The following PKDREJ variants were observed in gnomAD, a reference collection of about 807,000 sequenced individuals.
PKDREJ encodes the protein polycystin family receptor for egg jelly.
For synonymous variants in PKDREJ, 1,031 were observed against 1,095.5 expected (o/e 0.94, Z 1.16); for missense variants, 2,507 against 2,807.2 (o/e 0.89, Z 2.42).
At position 46,261,324 on chromosome 22, in the gene PKDREJ, C is replaced by T. The variant is rs764162960; in HGVS notation, c.1999G>A (p.Ala667Thr). The change falls in exon 1 of 1, where the codon GCA becomes ACA. Residue 667 changes from alanine (A) to threonine (T), a missense_variant. Ala to Thr is a moderately conservative substitution (Grantham distance 58, BLOSUM62 0). Transcript: ENST00000253255. This position sits in a 1 kb window ranked among gnomAD's most constrained non-coding sequence, Gnocchi z 7.1. ...GAATTTTTGTCAGTGGGAGCCTGTG[C>T]GGTGGCATGCAAAGTCACCTGAGAA... ...AFSQVTLHAT[A>T]QAPTDKNSSK... The T allele has an allele frequency of 1.2e-5, 19 of 1,613,752 alleles. No individual in the cohort carries two copies. The highest frequency in any genetic ancestry group is 1.1e-4 in the East Asian group (5 of 44,878).
Position 46,258,767 on chromosome 22 carries a change from G to T in PKDREJ, c.4556C>A (p.Pro1519His), listed in dbSNP as rs148258530. The T allele has an allele frequency of 7.6e-4, 1,225 of 1,614,152 alleles. 24 individuals are homozygous for T. In the East Asian group the frequency reaches 0.025, roughly 33 times the overall value. The change falls in exon 1 of 1, where the codon CCC (proline) becomes CAC (histidine). Residue 1519 changes from proline to histidine, a missense_variant. By Grantham distance (77) the Pro-to-His change is moderately conservative. Coordinates refer to ENST00000253255, the MANE Select transcript of PKDREJ (RefSeq NM_006071.2). The surrounding 1 kb of genome is among the most constrained non-coding windows in gnomAD (Gnocchi z 6.1). ...TTGTGCTTTCCTATGCCTGTGCTTG[G>T]GTTTGGAGGTTGCCTTAGGAGAAGC... ...PKASPKATSK[P>H]KHRHRKAQIK...
chr22:46,257,829 C>T lies in PKDREJ; in HGVS notation c.5494G>A (p.Glu1832Lys), dbSNP rs1243477912. 1.2e-6 allele frequency: 2 copies of T among 1,614,158 alleles called. No homozygotes were observed. Among genetic ancestry groups the T allele is most frequent in the Non-Finnish European group, 1.7e-6 (2 of 1,180,014 alleles). ...HCHPKYGIDP[E>K]DTKNYSGFWN... ...AAGCCAGAATAGTTTTTTGTGTCTT[C>T]TGGGTCAATGCCATATTTGGGGTGA... is the stretch of plus-strand genomic sequence containing the variant. Residue 1832 changes from glutamate (E) to lysine (K), a missense_variant, in exon 1 of 1, where the codon GAA becomes AAA. By Grantham distance (56) the Glu-to-Lys change is moderately conservative. Coordinates refer to ENST00000253255, the MANE Select transcript of PKDREJ (RefSeq NM_006071.2). This position sits in a 1 kb window ranked among gnomAD's most constrained non-coding sequence, Gnocchi z 4.7.
chr22:46,263,190 C>T lies in PKDREJ; in HGVS notation c.133G>A (p.Ala45Thr). ...CCGCCGCGCACCCCGAGGCCCGGGG[C>T]GCCCCTGAGGAGGCCACCGGGCGCC... ...SGAPGGLLRG[A>T]PGLGVRGGRA... Residue 45 changes from alanine (A) to threonine (T), a missense_variant, in exon 1 of 1, where the codon GCC becomes ACC. Transcript: ENST00000253255. This position sits in a 1 kb window ranked among gnomAD's most constrained non-coding sequence, Gnocchi z 9.4. 7.8e-7 allele frequency: 1 copy of T among 1,290,296 alleles called. No homozygotes were observed. The highest frequency in any genetic ancestry group is 9.8e-7 in the Non-Finnish European group (1 of 1,023,200). 79.9% of individuals were successfully genotyped at this position (1,290,296 alleles called of 1,614,324 possible).
In PKDREJ at chr22:46,259,358, C is replaced by G; in HGVS notation, c.3965G>C (p.Arg1322Thr). The G allele has an allele frequency of 1.2e-6, 2 of 1,614,176 alleles. No individual in the cohort carries two copies. Among genetic ancestry groups the G allele is most frequent in the African/African-American group, 2.7e-5 (2 of 75,036 alleles). ...SRIKVENLFS[R>T]HIWLFICQKW... ...CTGGCATATGAACAGCCAAATGTGC[C>G]TGCTAAACAGATTTTCCACTTTGAT... The change falls in exon 1 of 1, where the codon AGG (arginine) becomes ACG (threonine). Residue 1322 changes from arginine (R) to threonine (T), a missense_variant. Arg to Thr is a moderately conservative substitution (Grantham distance 71). Coordinates refer to ENST00000253255, the MANE Select transcript of PKDREJ (RefSeq NM_006071.2). The surrounding 1 kb of genome is among the most constrained non-coding windows in gnomAD (Gnocchi z 6.8).
Position 46,259,828 on chromosome 22 carries a change from C to T in PKDREJ, c.3495G>A (p.Val1165=). The T allele has an allele frequency of 1.2e-6, 2 of 1,613,716 alleles. No individual in the cohort carries two copies. The highest frequency in any genetic ancestry group is 1.3e-5 in the African/African-American group (1 of 75,022). Residue 1165 remains valine (V), a synonymous_variant, in exon 1 of 1, where the codon GTG becomes GTA. Transcript: ENST00000253255. The surrounding 1 kb of genome is among the most constrained non-coding windows in gnomAD (Gnocchi z 6.8). The part of the protein sequence containing the change: ...HTHYVMAKVI[V]IPNPVDLRLN... ...ACCGTAGATCCACAGGATTAGGGATCACAATCACCTTGGCCATCACATAGT... is the reference window on the plus strand; with the variant it reads ...ACCGTAGATCCACAGGATTAGGGATTACAATCACCTTGGCCATCACATAGT...
Position 46,262,385 on chromosome 22 carries a change from G to A in PKDREJ, c.938C>T (p.Thr313Ile), listed in dbSNP as rs539461996. ...YVFNFTVSIT[T>I]GNPKMPEVKD... is the part of the protein sequence containing the mutation. ...CACCTCGGGCATCTTGGGGTTCCCTGTGGTGATGGACACCGTGAAATTAAA... is the reference window on the plus strand; with the variant it reads ...CACCTCGGGCATCTTGGGGTTCCCTATGGTGATGGACACCGTGAAATTAAA... The change falls in exon 1 of 1, where the codon ACA becomes ATA. Residue 313 changes from threonine (T) to isoleucine (I), a missense_variant. Physicochemically the swap from Thr to Ile is moderately conservative, Grantham distance 89. Coordinates refer to ENST00000253255, the MANE Select transcript of PKDREJ (RefSeq NM_006071.2). This position sits in a 1 kb window ranked among gnomAD's most constrained non-coding sequence, Gnocchi z 8.1. The A allele has an allele frequency of 6.2e-7, 1 of 1,614,118 alleles. No homozygotes were observed. Among genetic ancestry groups the A allele is most frequent in the Admixed American group, 1.7e-5 (1 of 60,028 alleles).
chr22:46,259,471 T>A lies in PKDREJ; in HGVS notation c.3852A>T (p.Leu1284=). The stretch of plus-strand genomic sequence containing the variant: ...TGTCCCCCAAGTCACTTTTTGTCGT[T>A]AGGAGGAAAGTGTTGATGCTACCTC... The part of the protein sequence containing the change: ...LYRGSINTFL[L]TTKSDLGDIH... Residue 1284 remains leucine, a synonymous_variant, in exon 1 of 1, where the codon CTA becomes CTT. Transcript: ENST00000253255. This position sits in a 1 kb window ranked among gnomAD's most constrained non-coding sequence, Gnocchi z 6.8. 2.5e-6 allele frequency: 4 copies of A among 1,614,140 alleles called. No homozygotes were observed. The highest frequency in any genetic ancestry group is 3.4e-6 in the Non-Finnish European group (4 of 1,180,032).
At position 46,261,061 on chromosome 22, in the gene PKDREJ, C is replaced by T. The variant is rs1292053309; in HGVS notation, c.2262G>A (p.Gln754=). Residue 754 remains glutamine, a synonymous_variant, in exon 1 of 1, where the codon CAG becomes CAA. Transcript: ENST00000253255. This position sits in a 1 kb window ranked among gnomAD's most constrained non-coding sequence, Gnocchi z 7.1. ...LPVSTLVEIG[Q]VVMTITKLTQ... The stretch of plus-strand genomic sequence containing the variant: ...TTAATTTGGTAATAGTCATGACTAC[C>T]TGGCCAATTTCTACCAAAGTGCTTA... 7 of 1,614,154 alleles carry T rather than the reference C, an allele frequency of 4.3e-6. No homozygotes were observed. Among genetic ancestry groups the T allele is most frequent in the Non-Finnish European group, 5.9e-6 (7 of 1,180,032 alleles).
rs772195312 is a variant in PKDREJ, at chr22:46,261,997, C to T, written c.1326G>A (p.Ala442=). ...RMVIRKDSRT[A]FSDKRVHVLQ... is the part of the protein sequence containing the mutation. ...GCACGTGGACCCTCTTATCAGAAAA[C>T]GCTGTCCTAGAGTCCTTCCGAATCA... is the stretch of plus-strand genomic sequence containing the variant. The change falls in exon 1 of 1, where the codon GCG becomes GCA. Residue 442 remains alanine, a synonymous_variant. Transcript: ENST00000253255. The surrounding 1 kb of genome is among the most constrained non-coding windows in gnomAD (Gnocchi z 7.1). 1.2e-6 allele frequency: 2 copies of T among 1,613,958 alleles called. No individual in the cohort carries two copies. The highest frequency in any genetic ancestry group is 1.7e-5 in the Admixed American group (1 of 60,000).
At position 46,261,566 on chromosome 22, in the gene PKDREJ, TTAC is replaced by T. The variant is rs1936696831; in HGVS notation, c.1754_1756del (p.Ser585del). 1 of 1,614,110 alleles carries T rather than the reference TTAC, an allele frequency of 6.2e-7. No individual in the cohort carries two copies. Among genetic ancestry groups the T allele is most frequent in the African/African-American group, 1.3e-5 (1 of 75,038 alleles). Reference sequence around the variant, plus strand: ...AAGAGGGACGTGCTTATCCCTAAAATTACTACACTGGACAACAAATTTAGTAAT... The same window carrying T: ...AAGAGGGACGTGCTTATCCCTAAAATTACACTGGACAACAAATTTAGTAAT... On this transcript the variant is annotated inframe_deletion, in exon 1 of 1. Coordinates refer to ENST00000253255, the MANE Select transcript of PKDREJ (RefSeq NM_006071.2). The surrounding 1 kb of genome is among the most constrained non-coding windows in gnomAD (Gnocchi z 7.1).
chr22:46,260,171 T>C lies in PKDREJ; in HGVS notation c.3152A>G (p.Lys1051Arg). Reference sequence around the variant, plus strand: ...AGGGAGGCAGACTACACGGGCCTTCTTCACTGTGCAGGCTGGGTCAAACAG... The same window carrying C: ...AGGGAGGCAGACTACACGGGCCTTCCTCACTGTGCAGGCTGGGTCAAACAG... Reference protein sequence around the residue: ...SALFDPACTVKKARVVCLPVS... With the variant: ...SALFDPACTVRKARVVCLPVS... Residue 1051 changes from lysine (K) to arginine (R), a missense_variant, in exon 1 of 1, where the codon AAG becomes AGG. Lys to Arg is a conservative substitution (Grantham distance 26). Coordinates refer to ENST00000253255, the MANE Select transcript of PKDREJ (RefSeq NM_006071.2). This position sits in a 1 kb window ranked among gnomAD's most constrained non-coding sequence, Gnocchi z 4.5. The C allele has an allele frequency of 2.5e-6, 4 of 1,614,148 alleles. No homozygotes were observed. Among genetic ancestry groups the C allele is most frequent in the Non-Finnish European group, 3.4e-6 (4 of 1,180,036 alleles).
In PKDREJ at chr22:46,260,160, C is replaced by CA. The variant is rs1569271022; in HGVS notation, c.3162dup (p.Val1055CysfsTer38). The CA allele has an allele frequency of 6.2e-7, 1 of 1,614,100 alleles. No individual in the cohort carries two copies. Among genetic ancestry groups the CA allele is most frequent in the Admixed American group, 1.7e-5 (1 of 60,020 alleles). On this transcript the variant is annotated frameshift_variant, in exon 1 of 1. Coordinates refer to ENST00000253255, the MANE Select transcript of PKDREJ (RefSeq NM_006071.2). LOFTEE classifies it low-confidence loss of function (END_TRUNC). The surrounding 1 kb of genome is among the most constrained non-coding windows in gnomAD (Gnocchi z 4.5). ...AGCAGGGACACAGGGAGGCAGACTA[C>CA]ACGGGCCTTCTTCACTGTGCAGGCT...
Position 46,260,853 on chromosome 22 carries a change from G to A in PKDREJ, c.2470C>T (p.His824Tyr). Residue 824 changes from histidine to tyrosine, a missense_variant, in exon 1 of 1, where the codon CAC becomes TAC. Transcript: ENST00000253255. The surrounding 1 kb of genome is among the most constrained non-coding windows in gnomAD (Gnocchi z 4.5). ...TAGAAAGGATCTTTAACTACTTGGT[G>A]AGGAGAAGTCATTTTAAGAATATTA... ...LSNILKMTSP[H>Y]QVVKDPFYVI... 6.2e-7 allele frequency: 1 copy of A among 1,613,722 alleles called. No homozygotes were observed. The highest frequency in any genetic ancestry group is 2.2e-5 in the East Asian group (1 of 44,884).
chr22:46,259,525 T>G lies in PKDREJ; in HGVS notation c.3798A>C (p.Leu1266Phe). 2 of 1,614,140 alleles carry G rather than the reference T, an allele frequency of 1.2e-6. No homozygotes were observed. Among genetic ancestry groups the G allele is most frequent in the Non-Finnish European group, 1.7e-6 (2 of 1,180,004 alleles). The change falls in exon 1 of 1, where the codon TTA becomes TTC. Residue 1266 changes from leucine (L) to phenylalanine (F), a missense_variant. Leu to Phe is a conservative substitution (Grantham distance 22, BLOSUM62 0). Coordinates refer to ENST00000253255, the MANE Select transcript of PKDREJ (RefSeq NM_006071.2). This position sits in a 1 kb window ranked among gnomAD's most constrained non-coding sequence, Gnocchi z 6.8. ...GTVSTSDVHC[L>F]SHPHFTTLYR... is the part of the protein sequence containing the mutation. ...AGAGAGTTGTGAAATGTGGATGGCT[T>G]AAACAATGCACGTCGCTGGTACTCA...
rs771781501 is a variant in PKDREJ at position 46,257,581 on chromosome 22, C to T, written c.5742G>A (p.Val1914=). Residue 1914 remains valine, a synonymous_variant, in exon 1 of 1, where the codon GTG becomes GTA. Transcript: ENST00000253255. This position sits in a 1 kb window ranked among gnomAD's most constrained non-coding sequence, Gnocchi z 4.7. ...GATTAAAAGTTGTTAATTCCAAAAC[C>T]ACAGCCCATGTCTTCTCATCCAGCC... is the stretch of plus-strand genomic sequence containing the variant. ...SNWLDEKTWA[V]VLELTTFNPD... 1.9e-6 allele frequency: 3 copies of T among 1,614,098 alleles called. No homozygotes were observed. Among genetic ancestry groups the T allele is most frequent in the Non-Finnish European group, 2.5e-6 (3 of 1,180,012 alleles).
chr22:46,261,975 C>G lies in PKDREJ; in HGVS notation c.1348G>C (p.Val450Leu). ...RTAFSDKRVH[V>L]LQGPKAIAHI... ...GCTATGGCTTTTGGTCCTTGGAGCA[C>G]GTGGACCCTCTTATCAGAAAACGCT... Residue 450 changes from valine to leucine, a missense_variant, in exon 1 of 1, where the codon GTG becomes CTG. Coordinates refer to ENST00000253255, the MANE Select transcript of PKDREJ (RefSeq NM_006071.2). This position sits in a 1 kb window ranked among gnomAD's most constrained non-coding sequence, Gnocchi z 7.1. 6.2e-7 allele frequency: 1 copy of G among 1,614,146 alleles called. No individual in the cohort carries two copies. The highest frequency in any genetic ancestry group is 1.6e-4 in the Middle Eastern group (1 of 6,062).
chr22:46,260,043 G>T lies in PKDREJ; in HGVS notation c.3280C>A (p.Leu1094Ile). ...ACGCTGAAAATAGAAATTCTCACTA[G>T]CTTGTCATTGAGCTTCATGACAAAA... ...PRFVMKLNDK[L>I]VRISIFSVQC... The change falls in exon 1 of 1, where the codon CTA (leucine) becomes ATA (isoleucine). Residue 1094 changes from leucine to isoleucine, a missense_variant. Coordinates refer to ENST00000253255, the MANE Select transcript of PKDREJ (RefSeq NM_006071.2). This position sits in a 1 kb window ranked among gnomAD's most constrained non-coding sequence, Gnocchi z 4.5. The T allele has an allele frequency of 6.2e-7, 1 of 1,614,036 alleles. No individual in the cohort carries two copies. Among genetic ancestry groups the T allele is most frequent in the South Asian group, 1.1e-5 (1 of 91,082 alleles).
rs775104343 is a variant in PKDREJ at position 46,260,067 on chromosome 22, A to T, written c.3256T>A (p.Phe1086Ile). Reference sequence around the variant, plus strand: ...AGCTTGTCATTGAGCTTCATGACAAAACGAGGTGCCTGCAGAACTATGGAT... The same window carrying T: ...AGCTTGTCATTGAGCTTCATGACAATACGAGGTGCCTGCAGAACTATGGAT... Reference protein sequence around the residue: ...TVSIVLQAPRFVMKLNDKLVR... With the variant: ...TVSIVLQAPRIVMKLNDKLVR... Residue 1086 changes from phenylalanine to isoleucine, a missense_variant, in exon 1 of 1, where the codon TTT becomes ATT. Physicochemically the swap from Phe to Ile is conservative, Grantham distance 21 (BLOSUM62 0). Coordinates refer to ENST00000253255, the MANE Select transcript of PKDREJ (RefSeq NM_006071.2). This position sits in a 1 kb window ranked among gnomAD's most constrained non-coding sequence, Gnocchi z 4.5. 6.2e-7 allele frequency: 1 copy of T among 1,614,148 alleles called. No homozygotes were observed. Among genetic ancestry groups the T allele is most frequent in the Non-Finnish European group, 8.5e-7 (1 of 1,180,010 alleles).
chr22:46,259,214 T>G lies in PKDREJ; in HGVS notation c.4109A>C (p.His1370Pro), dbSNP rs1936667591. Residue 1370 changes from histidine (H) to proline (P), a missense_variant, in exon 1 of 1, where the codon CAC becomes CCC. By Grantham distance (77) the His-to-Pro change is moderately conservative. Transcript: ENST00000253255. This position sits in a 1 kb window ranked among gnomAD's most constrained non-coding sequence, Gnocchi z 6.8. Reference protein sequence around the residue: ...IDVSSNLRKNHMWFSIFASVV... With the variant: ...IDVSSNLRKNPMWFSIFASVV... ...ACTAGCAAAAATAGAGAACCACATG[T>G]GGTTTTTCCGGAGATTACTACTCAC... 2.5e-6 allele frequency: 4 copies of G among 1,613,632 alleles called. No homozygotes were observed. Among genetic ancestry groups the G allele is most frequent in the Non-Finnish European group, 3.4e-6 (4 of 1,179,908 alleles).
Sources: gnomAD v4.1 joint callset for allele counts on GRCh38, gnomAD v4.1.1 for gene constraint, Gnocchi (gnomAD v3.1) non-coding constraint, MANE v1.5 for transcripts, NCBI Gene and HGNC (gene_info 2026-07-23, HGNC 2026-07-21) for gene names.